The following VCAN variants were observed in gnomAD, a reference collection of about 807,000 sequenced individuals.
VCAN encodes versican core protein.
VCAN carries 44 observed loss-of-function variants against 245.5 expected under a neutral mutation model. That is an observed-to-expected ratio of 0.18 (90% CI 0.14 to 0.23). The LOEUF (loss-of-function observed/expected upper bound fraction) is 0.23. VCAN is among the 10% of genes least tolerant of loss of function. VCAN has a pLI of 1.00. For missense variants in VCAN, 3,793 were observed against 4,057.9 expected (o/e 0.93, Z 1.77); for synonymous variants, 1,413 against 1,437.0 (o/e 0.98, Z 0.38).
At chr5:83,552,796 C>T (rs986151889) in intron 10 of VCAN, among the ~76,000 whole-genome samples, 7 of 152,100 alleles carry the variant, frequency 4.6e-5, no homozygotes, top group African/African-American at 1.7e-4. Flanking sequence ...AGGAAGAAGG[C>T]ATACAGTTCT....
chr5:83,574,137 C>G (rs1043647659), intron 13 of VCAN, among the ~76,000 whole-genome samples: 25 of 152,118 alleles, frequency 1.6e-4, no homozygotes, highest in African/African-American at 6.0e-4. Flanking sequence ...CAGAGAAAGA[C>G]CAGCTTGCCT....
At chr5:83,491,327 T>A (rs1744972679) in intron 3 of VCAN, among the ~76,000 whole-genome samples, 1 of 152,198 alleles carries the variant, frequency 6.6e-6, no homozygotes, top group African/African-American at 2.4e-5. Context: ...CATTTCCCTA[T>A]AAAATATTTA....
intron 6 of VCAN, among the ~76,000 whole-genome samples, chr5:83,516,129 AAACCCT>A (rs1179376287): frequency 2.6e-5 from 4 of 151,930 alleles, no homozygotes; most frequent in Non-Finnish European, 4.4e-5. Context: ...TCCCTAACCC[AAACCCT>A]AACCCTAACC....
At chr5:83,497,858 A>G (rs1030166053) in intron 5 of VCAN, among the ~76,000 whole-genome samples, 1 of 152,154 alleles carries the variant, frequency 6.6e-6, no homozygotes, top group Non-Finnish European at 1.5e-5. Context: ...TTAAAAAATA[A>G]GTTTCTTTTT....
At chr5:83,578,792 G>A (rs1442074244) in intron 13 of VCAN, among the ~76,000 whole-genome samples, 2 of 151,940 alleles carry the variant, frequency 1.3e-5, no homozygotes, top group Admixed American at 6.6e-5. Flanking sequence ...TCCACTTAGG[G>A]AAAATTATAT....
chr5:83,508,736 T>C (rs1473138500), intron 5 of VCAN, among the ~76,000 whole-genome samples: 1 of 152,254 alleles, frequency 6.6e-6, no homozygotes, highest in African/African-American at 2.4e-5. Context: ...GTAAACTCAA[T>C]TGATTCTGGT....
rs763152466 is a variant in VCAN, at chr5:83,522,091, C to T, written c.3785C>T (p.Thr1262Ile). The T allele has an allele frequency of 3.1e-6, 5 of 1,614,064 alleles. No individual in the cohort carries two copies. The African/African-American group carries it at 5.3e-5, about 17-fold the overall frequency. ...TCAACATCTCATGTTCCTCCCACTA[C>T]CCTTGAAGATATTGTAGCCAAGGAA... ...GESTSHVPPT[T>I]LEDIVAKETE... Residue 1262 changes from threonine (T) to isoleucine (I), a missense_variant, in exon 7 of 15, where the codon ACC becomes ATC. Thr to Ile is a moderately conservative substitution (Grantham distance 89, BLOSUM62 -1). Transcript: ENST00000265077.
intron 12 of VCAN, among the ~76,000 whole-genome samples, chr5:83,565,441 GAC>G (rs1748044966): frequency 6.6e-6 from 1 of 151,112 alleles, no homozygotes; most frequent in Non-Finnish European, 1.5e-5. Flanking sequence ...GTGAGAGAGA[GAC>G]AGAGTCTCAA....
intron 7 of VCAN, among the ~76,000 whole-genome samples, chr5:83,532,490 T>C (rs1378450442): frequency 6.6e-6 from 1 of 152,060 alleles, no homozygotes; most frequent in Non-Finnish European, 1.5e-5. Context: ...ATTGTATGTA[T>C]AGGAAATGTC....
Position 83,540,734 on chromosome 5 carries a change from C to T in VCAN, c.7731C>T (p.Ile2577=). ...LPELTSDKNT[I]IDIDHTKPVY... ...AGCTGACATCGGATAAAAATACTATCATAGATATTGATCATACTAAACCTG... is the reference window on the plus strand; with the variant it reads ...AGCTGACATCGGATAAAAATACTATTATAGATATTGATCATACTAAACCTG... The change falls in exon 8 of 15, where the codon ATC becomes ATT. Residue 2577 remains isoleucine, a synonymous_variant. Transcript: ENST00000265077. The T allele has an allele frequency of 6.2e-7, 1 of 1,613,930 alleles. No homozygotes were observed. The highest frequency in any genetic ancestry group is 1.3e-5 in the African/African-American group (1 of 75,018).
chr5:83,517,234 A>T (rs960681352), intron 6 of VCAN, among the ~76,000 whole-genome samples: 1 of 152,196 alleles, frequency 6.6e-6, no homozygotes, highest in African/African-American at 2.4e-5. Flanking sequence ...CACTATAAAC[A>T]TATTTTCATA....
chr5:83,529,532 C>T (rs1262797520), intron 7 of VCAN, among the ~76,000 whole-genome samples: 1 of 151,926 alleles, frequency 6.6e-6, no homozygotes, highest in Non-Finnish European at 1.5e-5. Flanking sequence ...CCTGCAAATA[C>T]TATGCCATTC....
chr5:83,493,256 G>T (rs975758196), intron 3 of VCAN, among the ~76,000 whole-genome samples: 2 of 152,136 alleles, frequency 1.3e-5, no homozygotes, highest in Admixed American at 1.3e-4. Context: ...AATACTGCCT[G>T]CAATCAGGAC....
intron 12 of VCAN, among the ~76,000 whole-genome samples, chr5:83,561,495 G>T (rs1175810897): frequency 1.3e-5 from 2 of 151,824 alleles, no homozygotes; most frequent in Non-Finnish European, 2.9e-5. Context: ...TTTCATTTTG[G>T]TAAGCATAGT....
chr5:83,551,554 A>C (rs141769623), intron 10 of VCAN, among the ~76,000 whole-genome samples: 329 of 152,212 alleles, frequency 2.2e-3, no homozygotes, highest in African/African-American at 7.5e-3. Flanking sequence ...GGGAAACCAA[A>C]CTAAAACCAA....
In VCAN at chr5:83,538,599, G is replaced by A; in HGVS notation, c.5596G>A (p.Val1866Ile). Residue 1866 changes from valine (V) to isoleucine (I), a missense_variant, in exon 8 of 15, where the codon GTA becomes ATA. By Grantham distance (29) the Val-to-Ile change is conservative. Around this residue, in one of 5 missense-constraint regions of VCAN, gnomAD observed 3,182 missense variants for 3,250.3 expected, o/e 0.98. Coordinates refer to ENST00000265077, the MANE Select transcript of VCAN (RefSeq NM_004385.5). The part of the protein sequence containing the change: ...VEYAIQAEKE[V>I]AGTLSPHVET... The stretch of plus-strand genomic sequence containing the variant: ...GTATGCAATTCAAGCCGAAAAGGAA[G>A]TAGCTGGCACTTTGTCTCCGCATGT... 5 of 1,614,088 alleles carry A rather than the reference G, an allele frequency of 3.1e-6. No homozygotes were observed. Among genetic ancestry groups the A allele is most frequent in the Non-Finnish European group, 4.2e-6 (5 of 1,179,976 alleles).
intron 12 of VCAN, among the ~76,000 whole-genome samples, chr5:83,562,630 GT>G (rs36109075): frequency 1.3e-5 from 2 of 150,856 alleles, no homozygotes; most frequent in Non-Finnish European, 3.0e-5. Flanking sequence ...TTGCTAATTA[GT>G]TTAAGGCAAT....
intron 7 of VCAN, among the ~76,000 whole-genome samples, chr5:83,525,970 T>A (rs7725669): frequency 0.04 from 6,009 of 152,004 alleles, 401 homozygotes; most frequent in African/African-American, 0.14. Context: ...GACGGAGTCT[T>A]GCTCTGTTGC....
intron 7 of VCAN, among the ~76,000 whole-genome samples, chr5:83,528,370 A>G (rs2112423860): frequency 6.6e-6 from 1 of 152,234 alleles, no homozygotes; most frequent in East Asian, 1.9e-4. Context: ...CAGTGGGGTT[A>G]AGGAGCCCCA....
Sources: gnomAD v4.1 joint callset for allele counts (sites outside exome capture counted in the v4.1 genomes callset) on GRCh38, gnomAD v4.1.1 for gene constraint, gnomAD v4.1.1 regional missense constraint, MANE v1.5 for transcripts, NCBI Gene and HGNC (gene_info 2026-07-23, HGNC 2026-07-21) for gene names.